Variants in PEX14 observed in about 807,000 individuals in gnomAD.
PEX14 encodes peroxisomal membrane protein PEX14.
PEX14 carries 15 observed loss-of-function variants against 49.5 expected under a neutral mutation model. The ratio of observed to expected loss-of-function variants is 0.30; its 90% CI spans 0.20 to 0.47. PEX14 has a LOEUF of 0.47. Ranked by LOEUF, PEX14 falls within the 20% of genes least tolerant of loss-of-function variation. The pLI, the probability that PEX14 is intolerant of heterozygous loss-of-function variation, is 1.00. For missense variants in PEX14, 398 were observed against 494.8 expected, an observed-to-expected ratio of 0.80 and a Z score of 1.86; for synonymous variants, 210 against 212.7, an observed-to-expected ratio of 0.99 and a Z score of 0.11.
chr1:10,541,424 A>G (rs1375773169), intron 3 of PEX14, among the ~76,000 whole-genome samples: 2 of 152,244 alleles, frequency 1.3e-5, no homozygotes, highest in Non-Finnish European at 2.9e-5. Flanking sequence ...GCAGCGTGGC[A>G]TCTTCCGCAC....
At chr1:10,614,517 A>G (rs1443837343) in intron 4 of PEX14, among the ~76,000 whole-genome samples, 1 of 152,210 alleles carries the variant, frequency 6.6e-6, no homozygotes, top group Non-Finnish European at 1.5e-5. Flanking sequence ...CAACCCACAC[A>G]GCCAGCGTCT....
intron 2 of PEX14, among the ~76,000 whole-genome samples, chr1:10,500,906 C>T (rs767212270): frequency 9.2e-5 from 14 of 152,154 alleles, no homozygotes; most frequent in Non-Finnish European, 1.8e-4. Flanking sequence ...ATGACATTAA[C>T]ATGTTTCTTT....
rs1424835777 is a variant in PEX14 at position 10,629,690 on chromosome 1, G to A, written c.837G>A (p.Glu279=). The A allele has an allele frequency of 1.2e-6, 2 of 1,613,224 alleles. No individual in the cohort carries two copies. Among genetic ancestry groups the A allele is most frequent in the Non-Finnish European group, 1.7e-6 (2 of 1,179,658 alleles). Residue 279 remains glutamate, a synonymous_variant, in exon 9 of 9, where the codon GAG becomes GAA. Transcript: ENST00000356607. The surrounding 1 kb of genome is among the most constrained non-coding windows in gnomAD (Gnocchi z 8.5). ...CCACGTCGTCCTCGCCTGGGAAGGA[G>A]GGCCACAGCCCCGAGGGCTCCACGG... is the stretch of plus-strand genomic sequence containing the variant. The part of the protein sequence containing the change: ...NESTSSSPGK[E]GHSPEGSTVT...
chr1:10,476,160 C>G (rs1641190935), intron 1 of PEX14, among the ~76,000 whole-genome samples: 1 of 152,134 alleles, frequency 6.6e-6, no homozygotes, highest in Non-Finnish European at 1.5e-5. Flanking sequence ...AGAAGACCAC[C>G]GCTTAGTGTT....
rs200019568 is a variant in PEX14 at position 10,624,369 on chromosome 1, G to A, written c.517G>A (p.Val173Ile). The A allele has an allele frequency of 7.4e-6, 12 of 1,613,452 alleles. No homozygotes were observed. The highest frequency in any genetic ancestry group is 3.3e-5 in the Admixed American group (2 of 60,032). The change falls in exon 7 of 9, where the codon GTC (valine) becomes ATC (isoleucine). Residue 173 changes from valine to isoleucine, a missense_variant. By Grantham distance (29) the Val-to-Ile change is conservative. Around this residue, in one of 3 missense-constraint regions of PEX14, gnomAD observed 202 missense variants for 298.5 expected, o/e 0.68. Coordinates refer to ENST00000356607, the MANE Select transcript of PEX14 (RefSeq NM_004565.3). ...TCAGTTACAGACGACCCTCGCCTCC[G>A]TCCAGGAGCTGCTGATTCAGCAGCA... Reference protein sequence around the residue: ...VTQLQTTLASVQELLIQQQQK... With the variant: ...VTQLQTTLASIQELLIQQQQK...
intron 3 of PEX14, among the ~76,000 whole-genome samples, chr1:10,540,695 A>G (rs1638977071): frequency 6.6e-6 from 1 of 152,226 alleles, no homozygotes; most frequent in South Asian, 2.1e-4. Context: ...TAGTGAAGCC[A>G]GAAGTCTTTT....
intron 3 of PEX14, among the ~76,000 whole-genome samples, chr1:10,573,062 T>C (rs1460651008): frequency 1.3e-5 from 2 of 152,154 alleles, no homozygotes; most frequent in Non-Finnish European, 2.9e-5. Context: ...AAAAAGGTAA[T>C]GAATTGTGCT....
Position 10,629,579 on chromosome 1 carries a change from G to C in PEX14, c.726G>C (p.Gln242His). Residue 242 changes from glutamine (Q) to histidine (H), a missense_variant, in exon 9 of 9, where the codon CAG becomes CAC. Physicochemically the swap from Gln to His is conservative, Grantham distance 24 (BLOSUM62 0). Transcript: ENST00000356607. The surrounding 1 kb of genome is among the most constrained non-coding windows in gnomAD (Gnocchi z 8.5). Reference sequence around the variant, plus strand: ...CAGCCCCGAAGATCCCCTCCTGGCAGATCCCAGTCAAGTCACCGTCACCCT... The same window carrying C: ...CAGCCCCGAAGATCCCCTCCTGGCACATCCCAGTCAAGTCACCGTCACCCT... Reference protein sequence around the residue: ...SPSAPKIPSWQIPVKSPSPSS... With the variant: ...SPSAPKIPSWHIPVKSPSPSS... The C allele has an allele frequency of 6.2e-7, 1 of 1,614,016 alleles. No homozygotes were observed. The highest frequency in any genetic ancestry group is 1.1e-5 in the South Asian group (1 of 91,086).
chr1:10,576,774 T>TA (rs1446857459), intron 3 of PEX14, among the ~76,000 whole-genome samples: 1 of 151,800 alleles, frequency 6.6e-6, no homozygotes, highest in Non-Finnish European at 1.5e-5. Context: ...TTTTTTTTTT[T>TA]TAGATGGAAT....
intron 6 of PEX14, among the ~76,000 whole-genome samples, chr1:10,624,126 C>T (rs142364635): frequency 6.6e-6 from 1 of 152,218 alleles, no homozygotes; most frequent in East Asian, 1.9e-4. Context: ...GACAACTACA[C>T]AATGGAAAGA....
intron 5 of PEX14, among the ~76,000 whole-genome samples, chr1:10,622,030 T>G (rs573001174): frequency 6.6e-6 from 1 of 152,220 alleles, no homozygotes; most frequent in South Asian, 2.1e-4. Flanking sequence ...ACTCCTCACC[T>G]GGGGGGCTTT....
At chr1:10,541,990 A>G (rs574336139) in intron 3 of PEX14, among the ~76,000 whole-genome samples, 11 of 152,346 alleles carry the variant, frequency 7.2e-5, no homozygotes, top group African/African-American at 2.6e-4. Context: ...TTTCCCTGCA[A>G]CTGAAGACTG....
At chr1:10,488,832 C>T (rs573429730) in intron 1 of PEX14, among the ~76,000 whole-genome samples, 1 of 151,970 alleles carries the variant, frequency 6.6e-6, no homozygotes, top group African/African-American at 2.4e-5. Context: ...TTACATTTCT[C>T]TTCTTACTGT....
At chr1:10,523,676 CAAG>C (rs1638371970) in intron 2 of PEX14, among the ~76,000 whole-genome samples, 1 of 151,560 alleles carries the variant, frequency 6.6e-6, no homozygotes, top group Non-Finnish European at 1.5e-5. Context: ...GGCTTATCAG[CAAG>C]TTCAGAATTA....
At chr1:10,603,557 G>C (rs1287052902) in intron 4 of PEX14, among the ~76,000 whole-genome samples, 1 of 152,040 alleles carries the variant, frequency 6.6e-6, no homozygotes, top group Non-Finnish European at 1.5e-5. Flanking sequence ...GAGAAGTCAG[G>C]CTGTGATTCG....
At chr1:10,524,277 T>C (rs1412604547) in intron 2 of PEX14, 1 of 157,866 alleles carries the variant, frequency 6.3e-6, no homozygotes, top group Non-Finnish European at 1.4e-5. Context: ...ATTGAGGAAA[T>C]TTAGGGATTT....
chr1:10,486,294 T>C (rs992781335), intron 1 of PEX14, among the ~76,000 whole-genome samples: 10 of 152,156 alleles, frequency 6.6e-5, no homozygotes, highest in African/African-American at 2.2e-4. Flanking sequence ...GTGTTAGCTA[T>C]AGGTATTTTG....
intron 3 of PEX14, among the ~76,000 whole-genome samples, chr1:10,573,515 C>T (rs184326536): frequency 1.5e-3 from 236 of 152,318 alleles, no homozygotes; most frequent in African/African-American, 5.3e-3. Flanking sequence ...TATCCTTCCT[C>T]ATCAGGGTAA....
intron 3 of PEX14, among the ~76,000 whole-genome samples, chr1:10,570,494 A>G (rs1013521914): frequency 2.0e-5 from 3 of 151,786 alleles, no homozygotes; most frequent in African/African-American, 7.3e-5. Flanking sequence ...CAACACGCCC[A>G]GCTAATTTTT....
Sources: allele counts gnomAD v4.1 joint callset (sites outside exome capture counted in the v4.1 genomes callset), GRCh38; gene constraint gnomAD v4.1.1; regional missense constraint gnomAD v4.1.1; non-coding constraint Gnocchi (gnomAD v3.1); transcripts MANE v1.5; gene names NCBI Gene and HGNC (gene_info 2026-07-23, HGNC 2026-07-21).